The following GPR89B variants were observed in gnomAD, a reference collection of about 807,000 sequenced individuals.
GPR89B encodes the protein golgi pH regulator B.
A neutral mutation model predicts 52.4 loss-of-function variants in GPR89B; 25 were observed. The ratio of observed to expected loss-of-function variants is 0.48; its 90% CI spans 0.35 to 0.67. GPR89B has a LOEUF of 0.67. GPR89B is among the 30% of genes least tolerant of loss of function. The pLI is 0.01. For synonymous variants in GPR89B, 52 were observed against 151.2 expected, an observed-to-expected ratio of 0.34 and a Z score of 4.81; for missense variants, 146 against 450.2, an observed-to-expected ratio of 0.32 and a Z score of 6.11.
intron 5 of GPR89B, among the ~76,000 whole-genome samples, chr1:147,950,813 A>T (rs1281666030): frequency 2.6e-5 from 4 of 152,208 alleles, no homozygotes; most frequent in Non-Finnish European, 5.9e-5. Context: ...CACGCCTGCA[A>T]TCGCAGGCAC....
chr1:148,002,320 ACTT>A, the GPR89B span, among the ~76,000 whole-genome samples: 1 of 151,556 alleles, frequency 6.6e-6, no homozygotes. Flanking sequence ...TACACATCCC[ACTT>A]CTTCTACCCT....
At chr1:147,933,862 G>T (rs1256216328) in intron 1 of GPR89B, among the ~76,000 whole-genome samples, 1 of 152,092 alleles carries the variant, frequency 6.6e-6, no homozygotes, top group South Asian at 2.1e-4. Flanking sequence ...CCACCATACC[G>T]CTCTATATAA....
chr1:147,995,517 T>G (rs1659296004), downstream of GPR89B: 3 of 1,480,540 alleles, frequency 2.0e-6, no homozygotes, highest in Non-Finnish European at 2.8e-6. Context: ...GTGGCAAACA[T>G]AGACATTAAA....
At chr1:147,999,669 C>T in the GPR89B span, among the ~76,000 whole-genome samples, 1 of 150,674 alleles carries the variant, frequency 6.6e-6, no homozygotes, top group Non-Finnish European at 1.5e-5. Flanking sequence ...GCCCTCTTCT[C>T]CAAAGCCTTA....
downstream of GPR89B, chr1:147,994,308 T>C: frequency 6.6e-7 from 1 of 1,525,052 alleles, no homozygotes; most frequent in Admixed American, 1.7e-5. Context: ...TCATCACATC[T>C]CTGTATCTTC....
Position 147,950,005 on chromosome 1 carries a change from G to A in GPR89B, c.416-3340G>A, listed in dbSNP as rs1342971318. ...CCCCCACCTCCCTCCCGGACGGGGC[G>A]GCTGGCCGGGCGGGGGGCTGACCTC... On this transcript the variant is annotated intron_variant, in intron 5 of 13. Transcript: ENST00000314163. Among the ~76,000 whole-genome samples the A allele has an allele frequency of 2.2e-3, 325 of 144,746 alleles. 8 individuals are homozygous for A. The highest frequency in any genetic ancestry group is 0.015 in the East Asian group (65 of 4,458). The allele number at this position is 144,746 out of a possible 152,430, so 95.0% of individuals were successfully genotyped here. A position where few individuals can be genotyped will look rare whatever the true frequency, so the allele number is the denominator to read the frequency against.
the GPR89B span, among the ~76,000 whole-genome samples, chr1:148,023,788 T>C: frequency 6.6e-6 from 1 of 151,632 alleles, no homozygotes; most frequent in East Asian, 1.9e-4. Flanking sequence ...AATGGGATTA[T>C]TTTTTTTCTT....
chr1:148,017,330 T>C, the GPR89B span, among the ~76,000 whole-genome samples: 3 of 151,226 alleles, frequency 2.0e-5, no homozygotes, highest in African/African-American at 4.9e-5. Flanking sequence ...GCGTGAGCCA[T>C]TGTGCCCGGC....
At chr1:147,940,821 AGATG>A (rs1489660969) in intron 3 of GPR89B, among the ~76,000 whole-genome samples, 1 of 151,276 alleles carries the variant, frequency 6.6e-6, no homozygotes, top group Non-Finnish European at 1.5e-5. Flanking sequence ...TGTTTTTGGT[AGATG>A]ATGTCCCCCA....
downstream of GPR89B, chr1:147,995,791 C>CTCATAGGGT (rs1659301920): frequency 2.4e-5 from 38 of 1,589,414 alleles, no homozygotes; most frequent in Non-Finnish European, 3.1e-5. Flanking sequence ...CCACCACCTT[C>CTCATAGGGT]TCATAGGGTT....
chr1:147,941,387 G>C (rs1654544932), intron 3 of GPR89B, among the ~76,000 whole-genome samples: 1 of 152,200 alleles, frequency 6.6e-6, no homozygotes, highest in South Asian at 2.1e-4. Flanking sequence ...TGTCCAGCTT[G>C]TTTCTTTCTC....
At chr1:148,001,921 A>G in the GPR89B span, among the ~76,000 whole-genome samples, 1 of 151,968 alleles carries the variant, frequency 6.6e-6, no homozygotes, top group Non-Finnish European at 1.5e-5. Flanking sequence ...AAAACTTTGG[A>G]CCTTAAGAAA....
chr1:148,006,671 T>C, the GPR89B span, among the ~76,000 whole-genome samples: 1 of 151,966 alleles, frequency 6.6e-6, no homozygotes, highest in East Asian at 1.9e-4. Flanking sequence ...ATTTTTTCTT[T>C]CCTTATTAAA....
At chr1:148,011,645 C>G in the GPR89B span, 1 of 152,172 alleles carries the variant, frequency 6.6e-6, no homozygotes, top group African/African-American at 2.4e-5. Context: ...AGGGGAGCAG[C>G]GGAGACAGAG....
intron 10 of GPR89B, among the ~76,000 whole-genome samples, chr1:147,975,026 T>C: frequency 6.6e-6 from 1 of 151,922 alleles, no homozygotes; most frequent in Non-Finnish European, 1.5e-5. Flanking sequence ...GAAGCTGACT[T>C]GATCGTGGTA....
chr1:148,000,467 A>G, the GPR89B span, among the ~76,000 whole-genome samples: 1 of 152,170 alleles, frequency 6.6e-6, no homozygotes, highest in African/African-American at 2.4e-5. Flanking sequence ...GGAGTATGGT[A>G]TAATGAATTA....
rs1236446078 is a variant in GPR89B, at chr1:147,980,633, A to T, written c.910-5566A>T. On this transcript the variant is annotated intron_variant, in intron 10 of 13. Coordinates refer to ENST00000314163, the MANE Select transcript of GPR89B (RefSeq NM_016334.5). ...TTCTTAATATATTCATAGTTTTATA[A>T]CCATTACCACAATCAATTTTTGAAC... Among the ~76,000 whole-genome samples, 138 of 148,750 alleles carry T rather than the reference A, an allele frequency of 9.3e-4. 2 individuals are homozygous for T. In the East Asian group the frequency reaches 0.025, roughly 27 times the overall value.
At chr1:148,020,995 A>G in the GPR89B span, among the ~76,000 whole-genome samples, 2 of 151,314 alleles carry the variant, frequency 1.3e-5, no homozygotes, top group Admixed American at 1.3e-4. Flanking sequence ...AGAGGAATTT[A>G]TCTAAGCCGA....
At chr1:147,978,473 C>CT (rs1384013879) in intron 10 of GPR89B, among the ~76,000 whole-genome samples, 2 of 151,740 alleles carry the variant, frequency 1.3e-5, no homozygotes, top group African/African-American at 4.9e-5. Context: ...CAGGGACCTG[C>CT]TTAAGGAAGC....
Sources: allele counts gnomAD v4.1 joint callset (sites outside exome capture counted in the v4.1 genomes callset), GRCh38; gene constraint gnomAD v4.1.1; transcripts MANE v1.5; gene names NCBI Gene and HGNC (gene_info 2026-07-23, HGNC 2026-07-21).